DGKZ: variants seen among roughly 807,000 people sequenced by gnomAD.
DGKZ encodes diacylglycerol kinase zeta.
Under a neutral mutation model 142.5 loss-of-function variants are expected in DGKZ, and 45 were observed. The ratio of observed to expected loss-of-function variants is 0.32; its 90% confidence interval spans 0.25 to 0.40. The LOEUF (loss-of-function observed/expected upper bound fraction) is 0.40. Among genes scored for constraint, DGKZ ranks in the 10% least tolerant of loss-of-function variants. The pLI, the probability that DGKZ is intolerant of heterozygous loss-of-function variation, is 1.00. For synonymous variants in DGKZ, 442 were observed against 527.0 expected, an observed-to-expected ratio of 0.84 and a Z score of 2.21; for missense variants, 755 against 1,306.5, an observed-to-expected ratio of 0.58 and a Z score of 6.51.
At chr11:46,358,329 A>C (rs913957912) in intron 1 of DGKZ, among the ~76,000 whole-genome samples, 2 of 152,218 alleles carry the variant, frequency 1.3e-5, no homozygotes, top group African/African-American at 4.8e-5. Context: ...AATATGAAAT[A>C]TATATAAGGC....
At chr11:46,363,169 G>A (rs1942862729) in intron 1 of DGKZ, among the ~76,000 whole-genome samples, 1 of 152,234 alleles carries the variant, frequency 6.6e-6, no homozygotes, top group Admixed American at 6.5e-5. Flanking sequence ...CCCAGGGCGG[G>A]CTCCAACAAG....
intron 26 of DGKZ, 103 bp downstream of exon 26, chr11:46,378,332 C>T: frequency 6.5e-7 from 1 of 1,540,146 alleles, no homozygotes; most frequent in Middle Eastern, 2.2e-4. Context: ...CAAACACAGC[C>T]TTTGAGCTTC....
At chr11:46,363,015 C>T (rs1456435100) in intron 1 of DGKZ, among the ~76,000 whole-genome samples, 1 of 152,182 alleles carries the variant, frequency 6.6e-6, no homozygotes, top group Non-Finnish European at 1.5e-5. Context: ...ACCCGGAGAC[C>T]GAGGGACAGC....
At chr11:46,375,147 A>G in intron 19 of DGKZ, 102 bp downstream of exon 19, 1 of 1,113,190 alleles carries the variant, frequency 9.0e-7, no homozygotes, top group Admixed American at 2.8e-5. Flanking sequence ...GTTCACCCTC[A>G]CCTCCCTTCT....
Position 46,372,900 on chromosome 11 carries a change from A to G in DGKZ, c.1185+16A>G. 3 of 1,564,870 alleles carry G rather than the reference A, an allele frequency of 1.9e-6. No individual in the cohort carries two copies. Among genetic ancestry groups the G allele is most frequent in the Non-Finnish European group, 2.6e-6 (3 of 1,154,656 alleles). On this transcript the variant is annotated intron_variant, in intron 13 of 30. Coordinates refer to ENST00000527911, the Ensembl canonical transcript of DGKZ. This position sits in a 1 kb window ranked among gnomAD's most constrained non-coding sequence, Gnocchi z 5.9. ...CTGGGGTGGGGTAAGCACCCATAGG[A>G]GGGGGGTGCAGCTGGGGCCTCTCCA...
chr11:46,350,046 A>C (rs78126943), intron 1 of DGKZ, among the ~76,000 whole-genome samples: 1 of 152,172 alleles, frequency 6.6e-6, no homozygotes, highest in Non-Finnish European at 1.5e-5. Context: ...AGGATGCCTG[A>C]TGAGAGGAAA....
intron 29 of DGKZ, 64 bp downstream of exon 29, chr11:46,379,300 C>A: frequency 6.2e-7 from 1 of 1,604,878 alleles, no homozygotes; most frequent in Non-Finnish European, 8.5e-7. Context: ...CCACCCCTCC[C>A]ATTTTGTCAG....
In DGKZ at chr11:46,364,369, C is replaced by T. The variant is rs140476886; in HGVS notation, c.162-2922C>T. 722 of 1,289,090 alleles carry T rather than the reference C, an allele frequency of 5.6e-4. 4 individuals are homozygous for T. In the African/African-American group the frequency reaches 0.01, roughly 18 times the overall value. 79.9% of individuals were successfully genotyped at this position (1,289,090 alleles called of 1,614,324 possible). A position where few individuals can be genotyped will look rare whatever the true frequency, so the allele number is the denominator to read the frequency against. On this transcript the variant is annotated intron_variant, in intron 1 of 30. Coordinates refer to ENST00000527911, the Ensembl canonical transcript of DGKZ. Reference sequence around the variant, plus strand: ...TAGCACAGTGCCTGACACATAGGGGCTCAGTAAATGTCAGCCGTGACACTG... The same window carrying T: ...TAGCACAGTGCCTGACACATAGGGGTTCAGTAAATGTCAGCCGTGACACTG...
intron 1 of DGKZ, among the ~76,000 whole-genome samples, chr11:46,355,234 A>G (rs976121852): frequency 2.6e-5 from 4 of 151,898 alleles, no homozygotes; most frequent in Non-Finnish European, 4.4e-5. Context: ...TCAGCCTCCC[A>G]AGTAGCTGGG....
At chr11:46,342,798 A>G (rs775320753), upstream of DGKZ, among the ~76,000 whole-genome samples, 5 of 152,216 alleles carry the variant, frequency 3.3e-5, no homozygotes, top group Non-Finnish European at 4.4e-5. Context: ...TAAGCTTAGC[A>G]GCCCTGTGCC....
intron 1 of DGKZ, among the ~76,000 whole-genome samples, chr11:46,356,381 G>A (rs1565020001): frequency 6.6e-6 from 1 of 152,128 alleles, no homozygotes. Context: ...GGATCCATGA[G>A]GCTGAGTCCA....
intron 1 of DGKZ, among the ~76,000 whole-genome samples, chr11:46,340,603 C>G (rs546643270): frequency 6.6e-6 from 1 of 152,312 alleles, no homozygotes; most frequent in East Asian, 1.9e-4. Flanking sequence ...AGCCCCTCCT[C>G]CAGGTTTCCT....
chr11:46,355,793 TTGGAGCGCAA>T (rs1178551035), intron 1 of DGKZ, among the ~76,000 whole-genome samples: 2 of 151,964 alleles, frequency 1.3e-5, no homozygotes, highest in African/African-American at 4.8e-5. Context: ...GTTGCCCAGG[TTGGAGCGCAA>T]TGGCGCGGTC....
exon 8 of DGKZ, chr11:46,371,545 G>A (rs1943948250): frequency 6.2e-7 from 1 of 1,610,664 alleles, no homozygotes; most frequent in African/African-American, 1.3e-5. Context: ...TGCTCGCTGG[G>A]GGTCCACGCA....
chr11:46,362,801 C>T (rs1942817450), intron 1 of DGKZ, among the ~76,000 whole-genome samples: 1 of 152,210 alleles, frequency 6.6e-6, no homozygotes, highest in African/African-American at 2.4e-5. Flanking sequence ...CTGCCTGCCC[C>T]GATAGCAGCC....
Position 46,372,567 on chromosome 11 carries a change from G to A in DGKZ, c.1011-50G>A. The A allele has an allele frequency of 6.2e-7, 1 of 1,613,804 alleles. No homozygotes were observed. Among genetic ancestry groups the A allele is most frequent in the Non-Finnish European group, 8.5e-7 (1 of 1,179,940 alleles). On this transcript the variant is annotated intron_variant, in intron 11 of 30. Coordinates refer to ENST00000527911, the Ensembl canonical transcript of DGKZ. This position sits in a 1 kb window ranked among gnomAD's most constrained non-coding sequence, Gnocchi z 5.9. ...TGGGGGGGAACTTGCCTCACTCCTG[G>A]GGTACAGCACACATCCCCTGACCCC...
intron 21 of DGKZ, 45 bp downstream of exon 21, chr11:46,375,996 A>G: frequency 1.2e-6 from 2 of 1,611,770 alleles, no homozygotes; most frequent in South Asian, 2.2e-5. Flanking sequence ...GGAGGGGCTG[A>G]AGCAGCCGGG....
rs568989007 is a variant in DGKZ, at chr11:46,354,103, A to G, written c.161+6283A>G. ...TCCCCTTGGGGGAGACCTTCCTTCCATCCTGAGGGCCCTGAAAGGGTGAGG... is the reference window on the plus strand; with the variant it reads ...TCCCCTTGGGGGAGACCTTCCTTCCGTCCTGAGGGCCCTGAAAGGGTGAGG... On this transcript the variant is annotated intron_variant, in intron 1 of 30. Coordinates refer to ENST00000527911, the Ensembl canonical transcript of DGKZ. Among the ~76,000 whole-genome samples, 9 of 152,214 alleles carry G rather than the reference A, an allele frequency of 5.9e-5. No individual in the cohort carries two copies. The East Asian group carries it at 1.7e-3, about 29-fold the overall frequency.
Position 46,379,125 on chromosome 11 carries a change from T to C in DGKZ, c.2539+14T>C, listed in dbSNP as rs1944910361. 4 of 1,609,980 alleles carry C rather than the reference T, an allele frequency of 2.5e-6. No homozygotes were observed. Among genetic ancestry groups the C allele is most frequent in the Non-Finnish European group, 3.4e-6 (4 of 1,179,358 alleles). The stretch of plus-strand genomic sequence containing the variant: ...TGCTGGACCACGGTGAGCCGGGCAG[T>C]GGAGCCCAGGGCCTGGGGCCAAGGT... On this transcript the variant is annotated intron_variant, in intron 28 of 30. Transcript: ENST00000527911.
Sources: allele counts gnomAD v4.1 joint callset (sites outside exome capture counted in the v4.1 genomes callset), GRCh38; gene constraint gnomAD v4.1.1; non-coding constraint Gnocchi (gnomAD v3.1); transcripts MANE v1.5; gene names NCBI Gene and HGNC (gene_info 2026-07-23, HGNC 2026-07-21).